The following NLGN1 variants were observed in gnomAD, a reference collection of about 807,000 sequenced individuals.
NLGN1 encodes the protein neuroligin 1, also known as neuroligin-1.
NLGN1 carries 12 observed loss-of-function variants against 65.5 expected under a neutral mutation model. The observed-to-expected ratio is 0.18, with a 90% CI of 0.12 to 0.30. NLGN1 has a LOEUF of 0.30. Ranked by LOEUF, NLGN1 falls within the 10% of genes least tolerant of loss-of-function variation. The pLI is 1.00. For synonymous variants in NLGN1, 350 were observed against 359.5 expected (o/e 0.97, Z 0.30); for missense variants, 750 against 1,007.1 (o/e 0.74, Z 3.46).
At chr3:174,272,187 G>GGACTC (rs1749523376) in intron 4 of NLGN1, among the ~76,000 whole-genome samples, 1 of 151,600 alleles carries the variant, frequency 6.6e-6, no homozygotes, top group Admixed American at 6.6e-5. Flanking sequence ...CATGAAGTGA[G>GGACTC]GACTCTGCAA....
chr3:174,025,495 G>A (rs1027116928), intron 4 of NLGN1, among the ~76,000 whole-genome samples: 2 of 152,084 alleles, frequency 1.3e-5, no homozygotes, highest in African/African-American at 4.8e-5. Flanking sequence ...TACAAAGAAT[G>A]CATTCAAATC....
intron 4 of NLGN1, among the ~76,000 whole-genome samples, chr3:174,232,338 G>C (rs1317834689): frequency 1.3e-5 from 2 of 152,144 alleles, no homozygotes; most frequent in African/African-American, 2.4e-5. Context: ...CACTTCTTTT[G>C]TGGTGGAATG....
chr3:173,532,123 G>A (rs1158471756), intron 2 of NLGN1, among the ~76,000 whole-genome samples: 2 of 152,044 alleles, frequency 1.3e-5, no homozygotes, highest in African/African-American at 4.8e-5. Flanking sequence ...ATCATTTCTT[G>A]TTAAAATCCC....
rs1000065604 is a variant in NLGN1, at chr3:174,107,012, A to G, written c.647-168303A>G. ...CACACACACACACACACACACACACACACACAGAGAGAGAGAGAGAGAGAG... is the reference window on the plus strand; with the variant it reads ...CACACACACACACACACACACACACGCACACAGAGAGAGAGAGAGAGAGAG... On this transcript the variant is annotated intron_variant, in intron 4 of 6. Transcript: ENST00000457714. 1.0e-4 allele frequency among the ~76,000 whole-genome samples: 11 copies of G among 108,052 alleles called. No homozygotes were observed. In the South Asian group the frequency reaches 3.2e-3, roughly 31 times the overall value. 70.9% of individuals were successfully genotyped at this position (108,052 alleles called of 152,430 possible).
At chr3:173,965,700 CT>C (rs1382281305) in intron 4 of NLGN1, among the ~76,000 whole-genome samples, 2 of 152,020 alleles carry the variant, frequency 1.3e-5, no homozygotes, top group Non-Finnish European at 2.9e-5. Flanking sequence ...TGGATTTTCT[CT>C]TTTTCAGGAT....
chr3:173,984,010 G>T (rs764200165), intron 4 of NLGN1, among the ~76,000 whole-genome samples: 24 of 152,084 alleles, frequency 1.6e-4, no homozygotes, highest in Non-Finnish European at 2.9e-4. Flanking sequence ...CTCAAATTTG[G>T]CACCACAGGG....
intron 4 of NLGN1, among the ~76,000 whole-genome samples, chr3:174,181,591 T>C (rs1730426775): frequency 6.6e-6 from 1 of 152,116 alleles, no homozygotes; most frequent in Admixed American, 6.6e-5. Flanking sequence ...ATTCAATTAA[T>C]ATTTGTTGAC....
intron 2 of NLGN1, among the ~76,000 whole-genome samples, chr3:173,507,742 A>C (rs1381588776): frequency 6.6e-6 from 1 of 152,044 alleles, no homozygotes; most frequent in African/African-American, 2.4e-5. Flanking sequence ...CGTGACTATA[A>C]GTATTACATT....
At chr3:174,269,626 T>C (rs1748962260) in intron 4 of NLGN1, among the ~76,000 whole-genome samples, 1 of 151,986 alleles carries the variant, frequency 6.6e-6, no homozygotes, top group Non-Finnish European at 1.5e-5. Flanking sequence ...CTCTTGGCTA[T>C]TATAAATAGT....
intron 1 of NLGN1, among the ~76,000 whole-genome samples, chr3:173,420,615 A>G (rs1450573636): frequency 2.0e-5 from 3 of 152,098 alleles, no homozygotes. Context: ...GACTGGGTCA[A>G]ATGGTATTTC....
chr3:173,454,019 A>G (rs905466542), intron 2 of NLGN1, among the ~76,000 whole-genome samples: 2 of 152,194 alleles, frequency 1.3e-5, no homozygotes, highest in African/African-American at 4.8e-5. Context: ...TGATTCATTG[A>G]CTGTAGAATG....
At chr3:173,734,411 T>C (rs1773397140) in intron 3 of NLGN1, among the ~76,000 whole-genome samples, 1 of 140,942 alleles carries the variant, frequency 7.1e-6, no homozygotes, top group South Asian at 2.2e-4. Flanking sequence ...TTTTTTTTTT[T>C]TTAGAAACAG....
At chr3:174,225,957 T>C (rs1200001283) in intron 4 of NLGN1, among the ~76,000 whole-genome samples, 1 of 152,016 alleles carries the variant, frequency 6.6e-6, no homozygotes. Context: ...TCTAGTAAAA[T>C]AGCAGAAAGA....
At chr3:173,765,703 A>G (rs1266523591) in intron 3 of NLGN1, among the ~76,000 whole-genome samples, 2 of 152,146 alleles carry the variant, frequency 1.3e-5, no homozygotes, top group African/African-American at 4.8e-5. Context: ...GACCATTGCC[A>G]CCATGCAGAG....
At chr3:173,691,955 A>G (rs960708787) in intron 3 of NLGN1, among the ~76,000 whole-genome samples, 1 of 152,124 alleles carries the variant, frequency 6.6e-6, no homozygotes, top group African/African-American at 2.4e-5. Flanking sequence ...TGACTGCACA[A>G]TGCATCTCTT....
chr3:173,759,893 G>A (rs1444968026), intron 3 of NLGN1, among the ~76,000 whole-genome samples: 1 of 151,532 alleles, frequency 6.6e-6, no homozygotes, highest in Non-Finnish European at 1.5e-5. Context: ...GGGCTTTATT[G>A]TTTTATAATT....
At chr3:173,906,516 G>A (rs967334118) in intron 4 of NLGN1, among the ~76,000 whole-genome samples, 9 of 152,178 alleles carry the variant, frequency 5.9e-5, no homozygotes, top group East Asian at 1.9e-4. Flanking sequence ...CTGTGCTGCC[G>A]TCTATCTAAT....
At chr3:173,641,165 A>G (rs549345701) in intron 3 of NLGN1, among the ~76,000 whole-genome samples, 1 of 152,244 alleles carries the variant, frequency 6.6e-6, no homozygotes, top group Admixed American at 6.5e-5. Flanking sequence ...ATCCCTTTGT[A>G]CTTGTTATTC....
At chr3:173,417,485 G>C (rs912831804) in intron 1 of NLGN1, among the ~76,000 whole-genome samples, 1 of 151,580 alleles carries the variant, frequency 6.6e-6, no homozygotes, top group Non-Finnish European at 1.5e-5. Flanking sequence ...TTACTTTAAT[G>C]GAAACAATAA....
Sources: gnomAD v4.1 joint callset for allele counts (sites outside exome capture counted in the v4.1 genomes callset) on GRCh38, gnomAD v4.1.1 for gene constraint, MANE v1.5 for transcripts, NCBI Gene and HGNC (gene_info 2026-07-23, HGNC 2026-07-21) for gene names.